Variants in L3MBTL1 observed in about 807,000 individuals in gnomAD.
The protein encoded by L3MBTL1 is lethal(3)malignant brain tumor-like protein 1.
In L3MBTL1, 75 loss-of-function variants were observed where a neutral mutation model predicts 105.3. That is an observed-to-expected ratio of 0.71 (90% CI 0.59 to 0.86). The LOEUF is 0.86. L3MBTL1 is among the 40% of genes least tolerant of loss of function. The pLI is 0.00. For missense variants in L3MBTL1, 1,069 were observed against 1,126.4 expected (o/e 0.95, Z 0.73); for synonymous variants, 452 against 436.2 (o/e 1.04, Z -0.45).
At chr20:43,514,428 GGGACT>G in intron 3 of L3MBTL1, 1 of 1,470,082 alleles carries the variant, frequency 6.8e-7, no homozygotes, top group Admixed American at 2.4e-5. Flanking sequence ...GGGGCACCCT[GGGACT>G]GGACCCCGCA....
chr20:43,510,709 G>A (rs1021629795), intron 1 of L3MBTL1, among the ~76,000 whole-genome samples: 2 of 151,292 alleles, frequency 1.3e-5, no homozygotes, highest in East Asian at 1.9e-4. Context: ...GAGCCACTGC[G>A]CCCAGCTAAT....
At chr20:43,511,148 G>T (rs1420723118) in intron 1 of L3MBTL1, among the ~76,000 whole-genome samples, 2 of 152,128 alleles carry the variant, frequency 1.3e-5, no homozygotes, top group Admixed American at 6.5e-5. Context: ...CACCTCCCGG[G>T]TTCAAGCGAT....
At chr20:43,532,500 T>C (rs1391274585) in intron 11 of L3MBTL1, 6 of 379,834 alleles carry the variant, frequency 1.6e-5, no homozygotes, top group Non-Finnish European at 2.8e-5. Context: ...ACCAGGTTCT[T>C]TGGGCGAACG....
At chr20:43,550,775 T>C (rs922583763) in exon 19 of L3MBTL1, 2 of 152,218 alleles carry the variant, frequency 1.3e-5, no homozygotes, top group Admixed American at 1.3e-4. Context: ...ACATGCACTT[T>C]GGTGGGGTTA....
intron 1 of L3MBTL1, 55 bp from the exon 2 acceptor site, chr20:43,513,418 TTGC>T: frequency 6.7e-7 from 1 of 1,483,244 alleles, no homozygotes; most frequent in Non-Finnish European, 9.0e-7. Context: ...CACATCTCCA[TTGC>T]TGCTGTAACA....
intron 7 of L3MBTL1, among the ~76,000 whole-genome samples, chr20:43,517,884 A>G (rs976796007): frequency 6.6e-6 from 1 of 152,164 alleles, no homozygotes; most frequent in Non-Finnish European, 1.5e-5. Context: ...TTGTAGCTAA[A>G]CCAGAACTTC....
Position 43,534,278 on chromosome 20 carries a change from C to T in L3MBTL1, c.1600-6C>T. 6.2e-7 allele frequency: 1 copy of T among 1,613,018 alleles called. No individual in the cohort carries two copies. The highest frequency in any genetic ancestry group is 1.1e-5 in the South Asian group (1 of 91,002). On this transcript the variant is annotated splice_polypyrimidine_tract_variant and splice_region_variant and intron_variant, in intron 14 of 21. Transcript: ENST00000418998. ...CTTGCCCTGAAGGCAGCTGTCCCCT[C>T]TGCAGCGACCCCCTCACAGCTTCCT... is the stretch of plus-strand genomic sequence containing the variant.
At position 43,515,020 on chromosome 20, in the gene L3MBTL1, C is replaced by T. The variant is rs1450311242; in HGVS notation, c.514C>T (p.Gln172Ter). 2 of 1,613,794 alleles carry T rather than the reference C, an allele frequency of 1.2e-6. No homozygotes were observed. Among genetic ancestry groups the T allele is most frequent in the Non-Finnish European group, 1.7e-6 (2 of 1,179,856 alleles). ...TTTGGCCCCCGCAGAGGACCACCCC[C>T]AGAATCCTCCAGAAGATCCCAATCA... ...AGPQQAEDHP[Q>*]NPPEDPNQDP... Residue 172 changes from glutamine to a stop codon, truncating the protein, a stop_gained, in exon 5 of 22, where the codon CAG becomes TAG. Transcript: ENST00000418998. LOFTEE classifies it high-confidence loss of function.
intron 19 of L3MBTL1, 153 bp from the exon 20 acceptor site, chr20:43,539,998 C>G: frequency 1.3e-6 from 1 of 786,620 alleles, no homozygotes; most frequent in South Asian, 1.5e-5. Context: ...TCAGGAGATA[C>G]GGCTCACCCT....
At chr20:43,517,784 C>T (rs2018478169) in intron 7 of L3MBTL1, among the ~76,000 whole-genome samples, 1 of 152,160 alleles carries the variant, frequency 6.6e-6, no homozygotes, top group South Asian at 2.1e-4. Flanking sequence ...GGACATTATC[C>T]TGCCTTGATG....
chr20:43,517,813 G>A (rs575740852), intron 7 of L3MBTL1, among the ~76,000 whole-genome samples: 3 of 152,218 alleles, frequency 2.0e-5, no homozygotes, highest in African/African-American at 7.2e-5. Flanking sequence ...GCCAGCTGGA[G>A]GAGCCCAATC....
Position 43,535,863 on chromosome 20 carries a change from C to T in L3MBTL1, c.1852C>T (p.Pro618Ser). 6.2e-7 allele frequency: 1 copy of T among 1,609,220 alleles called. No homozygotes were observed. The highest frequency in any genetic ancestry group is 8.5e-7 in the Non-Finnish European group (1 of 1,177,958). Residue 618 changes from proline (P) to serine (S), a missense_variant, in exon 17 of 22, where the codon CCT becomes TCT. Physicochemically the swap from Pro to Ser is moderately conservative, Grantham distance 74 (BLOSUM62 -1). Coordinates refer to ENST00000418998, the MANE Select transcript of L3MBTL1 (RefSeq NM_001377303.1). ...ACCCAGAGAGCCCAGCTCTGCCTCC[C>T]CTGGGGGCTGTCCCCCTCTCAGCTA... ...LGPREPSSAS[P>S]GGCPPLSYRS...
At chr20:43,515,216 T>G (rs2018323928) in intron 5 of L3MBTL1, 57 bp downstream of exon 5, 2 of 1,613,786 alleles carry the variant, frequency 1.2e-6, no homozygotes, top group Non-Finnish European at 1.7e-6. Context: ...AAAGCCTCAT[T>G]CCTGTTCAGG....
intron 14 of L3MBTL1, 69 bp downstream of exon 14, chr20:43,534,162 G>A (rs2019483171): frequency 1.3e-6 from 2 of 1,554,580 alleles, no homozygotes; most frequent in Non-Finnish European, 8.9e-7. Flanking sequence ...AGCCAGGCTG[G>A]GGCCCTAGCC....
At position 43,535,838 on chromosome 20, in the gene L3MBTL1, ACCCAGAGAG is replaced by A; in HGVS notation, c.1833_1841del (p.Arg611_Pro613del). On this transcript the variant is annotated inframe_deletion and splice_region_variant, in exon 17 of 22. Transcript: ENST00000418998. ...ACCGCCTCCTTTCTGCTCTTTTAGG[ACCCAGAGAG>A]CCCAGCTCTGCCTCCCCTGGGGGCT... The A allele has an allele frequency of 6.3e-7, 1 of 1,585,748 alleles. No homozygotes were observed. The highest frequency in any genetic ancestry group is 8.6e-7 in the Non-Finnish European group (1 of 1,167,580).
chr20:43,534,113 C>T lies in L3MBTL1; in HGVS notation c.1599+20C>T. 2 of 1,602,420 alleles carry T rather than the reference C, an allele frequency of 1.2e-6. No homozygotes were observed. The highest frequency in any genetic ancestry group is 2.2e-5 in the East Asian group (1 of 44,818). On this transcript the variant is annotated intron_variant, in intron 14 of 21. Transcript: ENST00000418998. ...AAGGTGGTGAGTCAGTGCTCCCTGACCCCAGAGCTGAGCTCAGAAAGACAT... is the reference window on the plus strand; with the variant it reads ...AAGGTGGTGAGTCAGTGCTCCCTGATCCCAGAGCTGAGCTCAGAAAGACAT...
In L3MBTL1 at chr20:43,528,709, G is replaced by C. The variant is rs2019163666; in HGVS notation, c.915G>C (p.Gln305His). The C allele has an allele frequency of 3.7e-6, 6 of 1,614,046 alleles. No individual in the cohort carries two copies. In the South Asian group the frequency reaches 6.6e-5, roughly 18 times the overall value. Residue 305 changes from glutamine to histidine, a missense_variant, in exon 8 of 22, where the codon CAG becomes CAC. Gln to His is a conservative substitution (Grantham distance 24). Coordinates refer to ENST00000418998, the MANE Select transcript of L3MBTL1 (RefSeq NM_001377303.1). ...CGTGGGAGTCCTACCTAGAGGAGCA[G>C]AAGGCCATTACTGCTCCAGTCAGCC... ...CWSWESYLEE[Q>H]KAITAPVSLF...
intron 7 of L3MBTL1, among the ~76,000 whole-genome samples, chr20:43,521,432 T>G (rs994651432): frequency 6.6e-6 from 1 of 152,166 alleles, no homozygotes; most frequent in Admixed American, 6.5e-5. Context: ...GGAAGTACTG[T>G]GTTGGTTTCT....
At chr20:43,532,964 G>A (rs2019418269) in intron 12 of L3MBTL1, 40 bp downstream of exon 12, 1 of 1,609,418 alleles carries the variant, frequency 6.2e-7, no homozygotes, top group African/African-American at 1.3e-5. Context: ...GGGGTGAGGG[G>A]ATGGCAGGGG....
Sources: gnomAD v4.1 joint callset for allele counts (sites outside exome capture counted in the v4.1 genomes callset) on GRCh38, gnomAD v4.1.1 for gene constraint, MANE v1.5 for transcripts, NCBI Gene and HGNC (gene_info 2026-07-23, HGNC 2026-07-21) for gene names.